USP12: variants seen among roughly 807,000 people sequenced by gnomAD.
USP12 encodes ubiquitin carboxyl-terminal hydrolase 12.
USP12 carries 19 observed loss-of-function variants against 45.5 expected under a neutral mutation model. The ratio of observed to expected loss-of-function variants is 0.42; its 90% CI spans 0.29 to 0.61. The LOEUF is 0.61. USP12 is among the 20% of genes least tolerant of loss of function. The pLI, the probability that USP12 is intolerant of heterozygous loss-of-function variation, is 0.22. For synonymous variants in USP12, 149 were observed against 148.8 expected, an observed-to-expected ratio of 1.00 and a Z score of -0.01; for missense variants, 242 against 447.7, an observed-to-expected ratio of 0.54 and a Z score of 4.15.
At chr13:27,137,903 CA>C (rs1876881288) in intron 1 of USP12, among the ~76,000 whole-genome samples, 1 of 152,250 alleles carries the variant, frequency 6.6e-6, no homozygotes, top group Non-Finnish European at 1.5e-5. Flanking sequence ...TGGAGAGGGC[CA>C]CATGGCGAGG....
chr13:27,138,632 G>A (rs1876917072), intron 1 of USP12, among the ~76,000 whole-genome samples: 1 of 152,140 alleles, frequency 6.6e-6, no homozygotes, highest in South Asian at 2.1e-4. Context: ...TTGGTATGCA[G>A]GAGTCAAACA....
At chr13:27,106,437 T>TAAAGTAAATGACAC (rs1489872070) in intron 2 of USP12, among the ~76,000 whole-genome samples, 1 of 152,144 alleles carries the variant, frequency 6.6e-6, no homozygotes, top group African/African-American at 2.4e-5. Context: ...ACCTACTTTA[T>TAAAGTAAATGACAC]AAAGTAAATG....
intron 1 of USP12, among the ~76,000 whole-genome samples, chr13:27,119,802 G>A (rs1030971852): frequency 6.6e-6 from 1 of 152,216 alleles, no homozygotes. Context: ...GAAGTACAAA[G>A]AAAGAAGAGC....
chr13:27,120,804 G>C (rs1390762766), intron 1 of USP12, among the ~76,000 whole-genome samples: 1 of 152,148 alleles, frequency 6.6e-6, no homozygotes, highest in Non-Finnish European at 1.5e-5. Flanking sequence ...TCATGAAGAA[G>C]TAATGAGATA....
At chr13:27,105,493 C>T (rs1875088670) in intron 3 of USP12, among the ~76,000 whole-genome samples, 1 of 152,210 alleles carries the variant, frequency 6.6e-6, no homozygotes, top group Non-Finnish European at 1.5e-5. Context: ...TTTGCTGCCA[C>T]ACAGAATTTT....
intron 7 of USP12, among the ~76,000 whole-genome samples, chr13:27,071,812 G>A (rs1873256948): frequency 1.3e-5 from 2 of 152,060 alleles, no homozygotes; most frequent in East Asian, 3.8e-4. Flanking sequence ...AATAAAAGAA[G>A]CATAATTCCT....
intron 6 of USP12, 123 bp downstream of exon 6, chr13:27,089,760 T>C: frequency 1.2e-6 from 1 of 850,194 alleles, no homozygotes; most frequent in Admixed American, 2.5e-5. Flanking sequence ...ACATTAACTG[T>C]TAGTGATAGA....
At chr13:27,138,174 T>C (rs1193098880) in intron 1 of USP12, among the ~76,000 whole-genome samples, 1 of 152,246 alleles carries the variant, frequency 6.6e-6, no homozygotes, top group Non-Finnish European at 1.5e-5. Flanking sequence ...GCTGCTCAAT[T>C]TGTGATAATT....
At chr13:27,141,110 G>A (rs1051608924) in intron 1 of USP12, among the ~76,000 whole-genome samples, 1 of 149,022 alleles carries the variant, frequency 6.7e-6, no homozygotes, top group Non-Finnish European at 1.5e-5. Context: ...CCTCCTCCCA[G>A]GTTCAAGCAA....
intron 1 of USP12, chr13:27,169,180 A>G (rs1878475684): frequency 6.6e-6 from 1 of 152,240 alleles, no homozygotes; most frequent in Non-Finnish European, 1.5e-5. Context: ...TTTACTGCAC[A>G]GTAAGTATGA....
chr13:27,159,532 T>A (rs1242934133), intron 1 of USP12, among the ~76,000 whole-genome samples: 1 of 152,224 alleles, frequency 6.6e-6, no homozygotes, highest in Non-Finnish European at 1.5e-5. Context: ...TCCAGTAACA[T>A]TTGCAGAGGG....
intron 1 of USP12, among the ~76,000 whole-genome samples, chr13:27,145,945 G>GT (rs1877289701): frequency 6.6e-6 from 1 of 152,130 alleles, no homozygotes; most frequent in Non-Finnish European, 1.5e-5. Flanking sequence ...TAAAAATCAT[G>GT]TTTGCCATAA....
intron 4 of USP12, among the ~76,000 whole-genome samples, chr13:27,093,890 C>T (rs1019009699): frequency 6.6e-6 from 1 of 152,126 alleles, no homozygotes; most frequent in Non-Finnish European, 1.5e-5. Context: ...CATGGAAGAA[C>T]CTTAAATGCA....
In USP12 at chr13:27,171,784, C is replaced by T. The variant is rs1366400726; in HGVS notation, c.-145G>A. On this transcript the variant is annotated 5_prime_UTR_variant, in exon 1 of 9. Coordinates refer to ENST00000282344, the MANE Select transcript of USP12 (RefSeq NM_182488.4). ...CACCGAGCCCGCTGGGCCGCCGCTG[C>T]CGTCGTCGCCGCCGGCGCTCAGGCA... 7.1e-6 allele frequency: 2 copies of T among 281,938 alleles called. No individual in the cohort carries two copies. Among genetic ancestry groups the T allele is most frequent in the East Asian group, 1.8e-4 (1 of 5,650 alleles). The allele number at this position is 281,938 out of a possible 1,614,324, so 17.5% of individuals were successfully genotyped here.
intron 4 of USP12, among the ~76,000 whole-genome samples, chr13:27,090,858 A>G (rs1360713329): frequency 1.3e-5 from 2 of 152,200 alleles, no homozygotes; most frequent in African/African-American, 4.8e-5. Context: ...ATTAGCACAT[A>G]GAGTTGTTCA....
intron 6 of USP12, among the ~76,000 whole-genome samples, chr13:27,086,197 A>AAAAAAAAAATATAT (rs1555233235): frequency 1.8e-5 from 1 of 56,934 alleles, no homozygotes; most frequent in African/African-American, 6.9e-5. Context: ...AAAAAAAAAA[A>AAAAAAAAAATATAT]ATATATATAT....
intron 1 of USP12, among the ~76,000 whole-genome samples, chr13:27,168,736 A>G (rs911468633): frequency 2.0e-5 from 3 of 152,244 alleles, no homozygotes; most frequent in African/African-American, 7.2e-5. Context: ...ATGAAAAACA[A>G]GTTTTACTAA....
chr13:27,118,450 AT>A (rs1292363814), intron 1 of USP12, among the ~76,000 whole-genome samples: 1 of 152,206 alleles, frequency 6.6e-6, no homozygotes, highest in African/African-American at 2.4e-5. Context: ...GGATAGCAAT[AT>A]GTCATAACAA....
intron 2 of USP12, among the ~76,000 whole-genome samples, chr13:27,116,305 C>T (rs1375505023): frequency 8.8e-6 from 1 of 112,996 alleles, no homozygotes; most frequent in East Asian, 2.3e-4. Flanking sequence ...GAGCAAGACG[C>T]TGTCTCAAAA....
Sources: allele counts gnomAD v4.1 joint callset (sites outside exome capture counted in the v4.1 genomes callset), GRCh38; gene constraint gnomAD v4.1.1; transcripts MANE v1.5; gene names NCBI Gene and HGNC (gene_info 2026-07-23, HGNC 2026-07-21).